The following NFIA variants were observed in gnomAD, a reference collection of about 807,000 sequenced individuals.
The protein encoded by NFIA is nuclear factor I A.
Under a neutral mutation model 62.8 loss-of-function variants are expected in NFIA, and 8 were observed. That is an observed-to-expected ratio of 0.13 (90% confidence interval 0.07 to 0.23). NFIA has a LOEUF of 0.23. Among genes scored for constraint, NFIA ranks in the 10% least tolerant of loss-of-function variants. The probability of loss-of-function intolerance (pLI) is 1.00; values close to 1 mark genes in which losing one functional copy is unlikely to be tolerated. For synonymous variants in NFIA, 235 were observed against 238.1 expected (o/e 0.99, Z 0.12); for missense variants, 410 against 642.1 (o/e 0.64, Z 3.91).
At chr1:61,091,239 A>G (rs958828427) in intron 2 of NFIA, among the ~76,000 whole-genome samples, 1 of 151,916 alleles carries the variant, frequency 6.6e-6, no homozygotes, top group Non-Finnish European at 1.5e-5. Flanking sequence ...TCCTTCTGAA[A>G]TTTGTGTGTA....
intron 3 of NFIA, among the ~76,000 whole-genome samples, chr1:61,315,219 A>T (rs553744042): frequency 4.8e-4 from 73 of 152,306 alleles, no homozygotes; most frequent in African/African-American, 1.7e-3. Flanking sequence ...GCTACAAATC[A>T]TGTCCCTTAT....
At chr1:61,096,271 T>C (rs1218971069) in intron 2 of NFIA, among the ~76,000 whole-genome samples, 2 of 152,144 alleles carry the variant, frequency 1.3e-5, no homozygotes, top group Admixed American at 6.5e-5. Context: ...TGGAGTGCAG[T>C]GGCATGATCT....
chr1:61,185,161 G>A (rs1023618591), intron 2 of NFIA, among the ~76,000 whole-genome samples: 29 of 152,128 alleles, frequency 1.9e-4, no homozygotes, highest in African/African-American at 7.0e-4. Flanking sequence ...TGTGTTAAGT[G>A]AGTCAAATCT....
At chr1:61,265,776 T>C (rs1047173750) in intron 2 of NFIA, among the ~76,000 whole-genome samples, 6 of 152,162 alleles carry the variant, frequency 3.9e-5, no homozygotes, top group Non-Finnish European at 7.4e-5. Flanking sequence ...GAAGACCCGA[T>C]GGGTCAAGAT....
At chr1:61,395,632 C>T (rs893212748) in intron 7 of NFIA, among the ~76,000 whole-genome samples, 1 of 152,184 alleles carries the variant, frequency 6.6e-6, no homozygotes, top group Admixed American at 6.5e-5. Context: ...GCCTATTAAA[C>T]CATCACTCTA....
intron 7 of NFIA, among the ~76,000 whole-genome samples, chr1:61,392,817 T>C (rs1196238568): frequency 1.4e-4 from 21 of 152,186 alleles, no homozygotes; most frequent in Admixed American, 1.4e-3. Flanking sequence ...CTGAAGAGAA[T>C]AGGGTGATGA....
At chr1:61,278,704 T>C (rs1338681445) in intron 3 of NFIA, among the ~76,000 whole-genome samples, 3 of 152,150 alleles carry the variant, frequency 2.0e-5, no homozygotes, top group African/African-American at 7.2e-5. Flanking sequence ...GGCAGGAGAA[T>C]TGCTTGAACC....
chr1:61,353,280 G>A (rs1020517783), intron 5 of NFIA, among the ~76,000 whole-genome samples: 1 of 152,144 alleles, frequency 6.6e-6, no homozygotes, highest in Non-Finnish European at 1.5e-5. Context: ...CCATTGTATT[G>A]AGAGACCTTA....
At chr1:61,305,445 CAA>C (rs1455209096) in intron 3 of NFIA, among the ~76,000 whole-genome samples, 1 of 152,164 alleles carries the variant, frequency 6.6e-6, no homozygotes, top group Non-Finnish European at 1.5e-5. Context: ...CAGCAGAAAA[CAA>C]GAGAAGTATT....
At chr1:61,155,886 C>T (rs1431343326) in intron 2 of NFIA, among the ~76,000 whole-genome samples, 1 of 152,116 alleles carries the variant, frequency 6.6e-6, no homozygotes, top group African/African-American at 2.4e-5. Context: ...CCTGTAATCG[C>T]AGCACTTTGG....
At chr1:61,210,542 A>G (rs916027614) in intron 2 of NFIA, among the ~76,000 whole-genome samples, 1 of 152,110 alleles carries the variant, frequency 6.6e-6, no homozygotes, top group Non-Finnish European at 1.5e-5. Flanking sequence ...CTGAAAGACT[A>G]TTTTCTGTTG....
At chr1:61,402,341 T>C (rs972903923) in intron 7 of NFIA, among the ~76,000 whole-genome samples, 2 of 152,126 alleles carry the variant, frequency 1.3e-5, no homozygotes, top group African/African-American at 2.4e-5. Flanking sequence ...CCAGGCCAGT[T>C]TTACCGATTT....
At chr1:61,225,311 C>T (rs1035824626) in intron 2 of NFIA, among the ~76,000 whole-genome samples, 1 of 151,290 alleles carries the variant, frequency 6.6e-6, no homozygotes, top group African/African-American at 2.4e-5. Flanking sequence ...AGTGCAGTGG[C>T]CCAATCTCAG....
chr1:61,110,778 G>A (rs892597366), intron 2 of NFIA, among the ~76,000 whole-genome samples: 2 of 152,092 alleles, frequency 1.3e-5, no homozygotes, highest in African/African-American at 4.8e-5. Context: ...TTGACAGCCA[G>A]CAAGCTTGCA....
intron 3 of NFIA, among the ~76,000 whole-genome samples, chr1:61,288,792 G>A (rs997715952): frequency 3.9e-5 from 6 of 152,130 alleles, no homozygotes; most frequent in Non-Finnish European, 8.8e-5. Context: ...GAATCCCAGA[G>A]CTCTCACTCC....
At chr1:61,249,029 T>C (rs1570449343) in intron 2 of NFIA, 1 of 152,316 alleles carries the variant, frequency 6.6e-6, no homozygotes, top group East Asian at 1.9e-4. Context: ...TTATCTGAGT[T>C]GTGAGAGAAA....
intron 2 of NFIA, among the ~76,000 whole-genome samples, chr1:61,242,159 T>G (rs1363689125): frequency 6.6e-6 from 1 of 152,202 alleles, no homozygotes; most frequent in Non-Finnish European, 1.5e-5. Context: ...ATACTGCTGT[T>G]AGTGCTGATT....
At chr1:61,209,834 C>T (rs558667573) in intron 2 of NFIA, among the ~76,000 whole-genome samples, 59 of 151,884 alleles carry the variant, frequency 3.9e-4, no homozygotes, top group African/African-American at 1.3e-3. Flanking sequence ...GCCTGGGCAA[C>T]AGAGCAAGAC....
chr1:61,462,631 C>G lies in NFIA; in HGVS notation c.*7311C>G, dbSNP rs1237414505. ...ACTGTGGGCGTCCATTCTTATTCAA[C>G]TAAATCTCCACAGGTTTTTTGAGCT... On this transcript the variant is annotated 3_prime_UTR_variant, in exon 11 of 11. Transcript: ENST00000403491. The G allele has an allele frequency of 6.6e-6, 1 of 152,194 alleles. No homozygotes were observed. Among genetic ancestry groups the G allele is most frequent in the Admixed American group, 6.5e-5 (1 of 15,278 alleles). The allele number at this position is 152,194 out of a possible 1,614,324, so 9.4% of individuals were successfully genotyped here.
Sources: allele counts gnomAD v4.1 joint callset (sites outside exome capture counted in the v4.1 genomes callset), GRCh38; gene constraint gnomAD v4.1.1; transcripts MANE v1.5; gene names NCBI Gene and HGNC (gene_info 2026-07-23, HGNC 2026-07-21).